TMC2: variants seen among roughly 807,000 people sequenced by gnomAD.
The protein encoded by TMC2 is transmembrane channel-like protein 2.
A neutral mutation model predicts 105.9 loss-of-function variants in TMC2; 102 were observed. The ratio of observed to expected loss-of-function variants is 0.96; its 90% CI spans 0.82 to 1.14. The LOEUF (loss-of-function observed/expected upper bound fraction) is 1.14, where lower values mean the gene tolerates loss of function less well. Ranked by LOEUF, TMC2 falls within the 50% of genes most tolerant of loss-of-function variation. The pLI is 0.00. For missense variants in TMC2, 1,093 were observed against 1,134.3 expected, an observed-to-expected ratio of 0.96 and a Z score of 0.52; for synonymous variants, 402 against 422.8, an observed-to-expected ratio of 0.95 and a Z score of 0.60.
chr20:2,593,028 C>G (rs1398600515), intron 8 of TMC2, among the ~76,000 whole-genome samples: 4 of 152,168 alleles, frequency 2.6e-5, no homozygotes. Flanking sequence ...ACACTACTAC[C>G]TGAGACTGTG....
At chr20:2,600,094 G>A (rs1182212205) in intron 10 of TMC2, among the ~76,000 whole-genome samples, 3 of 152,196 alleles carry the variant, frequency 2.0e-5, no homozygotes, top group Admixed American at 6.5e-5. Flanking sequence ...CCAGGGTAGG[G>A]GTGACTGGGG....
At chr20:2,536,716 A>T in intron 1 of TMC2, 61 bp downstream of exon 1, 1 of 1,532,594 alleles carries the variant, frequency 6.5e-7, no homozygotes, top group Non-Finnish European at 8.9e-7. Flanking sequence ...GCAGCAGGGG[A>T]TGGGGGAAGC....
chr20:2,543,067 T>C (rs1320962512), intron 2 of TMC2, among the ~76,000 whole-genome samples: 1 of 151,924 alleles, frequency 6.6e-6, no homozygotes, highest in Non-Finnish European at 1.5e-5. Context: ...TGAAACCCTG[T>C]CTCTACTAAA....
At chr20:2,611,439 G>A (rs2086437673) in intron 12 of TMC2, among the ~76,000 whole-genome samples, 1 of 152,156 alleles carries the variant, frequency 6.6e-6, no homozygotes, top group Non-Finnish European at 1.5e-5. Flanking sequence ...ACCCTCCTGA[G>A]CCTCACATTT....
chr20:2,637,369 C>G (rs1003588366), intron 18 of TMC2, 105 bp from the exon 19 acceptor site: 4 of 620,266 alleles, frequency 6.4e-6, no homozygotes, highest in Non-Finnish European at 1.1e-5. Context: ...GCCTGGGCAA[C>G]AGAGTGAGAC....
At chr20:2,596,964 G>T (rs1052818220) in intron 9 of TMC2, among the ~76,000 whole-genome samples, 187 bp from the exon 10 acceptor site, 3 of 152,086 alleles carry the variant, frequency 2.0e-5, no homozygotes, top group African/African-American at 7.2e-5. Context: ...TCTGAATTTG[G>T]GGGGAAGGGT....
At chr20:2,609,004 A>G (rs2086414762) in intron 11 of TMC2, among the ~76,000 whole-genome samples, 2 of 152,206 alleles carry the variant, frequency 1.3e-5, no homozygotes, top group African/African-American at 2.4e-5. Flanking sequence ...CTGAATACCT[A>G]CAATAGACCT....
At chr20:2,593,440 G>A (rs2086283033) in intron 8 of TMC2, among the ~76,000 whole-genome samples, 1 of 152,128 alleles carries the variant, frequency 6.6e-6, no homozygotes, top group Admixed American at 6.5e-5. Flanking sequence ...TGAATATCTG[G>A]ACTGAGTAAG....
chr20:2,583,842 G>A (rs1157538319), intron 7 of TMC2, among the ~76,000 whole-genome samples: 1 of 152,132 alleles, frequency 6.6e-6, no homozygotes. Flanking sequence ...TTGCAGCCTT[G>A]TGAAAGATCC....
At position 2,616,675 on chromosome 20, in the gene TMC2, C is replaced by T. The variant is rs898658959; in HGVS notation, c.1941-397C>T. On this transcript the variant is annotated intron_variant, in intron 15 of 19. Coordinates refer to ENST00000358864, the MANE Select transcript of TMC2 (RefSeq NM_080751.3). This position sits in a 1 kb window ranked among gnomAD's most constrained non-coding sequence, Gnocchi z 4.8. ...GGAGGTACATAACTTCAGCCAAAGA[C>T]TTTCAAGGTGCCAAGGGCTCGCTGC... is the stretch of plus-strand genomic sequence containing the variant. 6.6e-6 allele frequency among the ~76,000 whole-genome samples: 1 copy of T among 152,214 alleles called. No homozygotes were observed. The highest frequency in any genetic ancestry group is 2.4e-5 in the African/African-American group (1 of 41,442).
At chr20:2,636,494 G>GCA (rs1568532812) in intron 18 of TMC2, among the ~76,000 whole-genome samples, 45 of 71,764 alleles carry the variant, frequency 6.3e-4, no homozygotes, top group Non-Finnish European at 1.1e-3. Flanking sequence ...ACACACACAC[G>GCA]CACACACCCT....
chr20:2,639,206 T>C (rs2086671096), intron 19 of TMC2, among the ~76,000 whole-genome samples: 1 of 152,176 alleles, frequency 6.6e-6, no homozygotes, highest in Non-Finnish European at 1.5e-5. Flanking sequence ...AGAAAAAATA[T>C]TTGTAAATTG....
In TMC2 at chr20:2,567,809, C is replaced by T. The variant is rs140150326; in HGVS notation, c.555-4370C>T. 1.6e-3 allele frequency among the ~76,000 whole-genome samples: 242 copies of T among 152,166 alleles called. 1 individual carries two copies. Among genetic ancestry groups the T allele is most frequent in the African/African-American group, 5.3e-3 (220 of 41,532 alleles). ...AAATAGAAGCTATAAAGAGGAACAACTGGAAATTTTAGAAGTAAAAAAATA... is the reference window on the plus strand; with the variant it reads ...AAATAGAAGCTATAAAGAGGAACAATTGGAAATTTTAGAAGTAAAAAAATA... On this transcript the variant is annotated intron_variant, in intron 4 of 19. Coordinates refer to ENST00000358864, the MANE Select transcript of TMC2 (RefSeq NM_080751.3).
At chr20:2,625,079 G>A (rs2086554812) in intron 17 of TMC2, among the ~76,000 whole-genome samples, 1 of 152,326 alleles carries the variant, frequency 6.6e-6, no homozygotes, top group East Asian at 1.9e-4. Context: ...CAGGCAAACA[G>A]TAAATGCTCA....
intron 2 of TMC2, among the ~76,000 whole-genome samples, chr20:2,550,701 CTCTT>C (rs1452531686): frequency 6.6e-6 from 1 of 152,190 alleles, no homozygotes; most frequent in Non-Finnish European, 1.5e-5. Context: ...TCTAGAGTGT[CTCTT>C]TCTCCAGAAT....
chr20:2,558,109 A>G lies in TMC2; in HGVS notation c.83-347A>G, dbSNP rs141054506. ...AAAGGGTATGATGTCATGGTAATCA[A>G]CCAGGGGGAAGTAGCAAGGCCTGTT... On this transcript the variant is annotated intron_variant, in intron 2 of 19. Coordinates refer to ENST00000358864, the MANE Select transcript of TMC2 (RefSeq NM_080751.3). This position sits in a 1 kb window ranked among gnomAD's most constrained non-coding sequence, Gnocchi z 4.6. The G allele has an allele frequency of 4.4e-4, 129 of 290,534 alleles. 1 individual carries two copies. Among genetic ancestry groups the G allele is most frequent in the African/African-American group, 2.7e-3 (122 of 45,390 alleles). 18.0% of individuals were successfully genotyped at this position (290,534 alleles called of 1,614,324 possible). A position where few individuals can be genotyped will look rare whatever the true frequency, so the allele number is the denominator to read the frequency against.
rs766742661 is a variant in TMC2 at position 2,579,223 on chromosome 20, T to C, written c.723T>C (p.Ile241=). ...CCTGGGAAATGAAGATCAAGGACAT[T>C]GAAAGTGAGTATGCTGGTGTCACTG... The part of the protein sequence containing the change: ...CIPWEMKIKD[I]ESHFGSSVAS... Residue 241 remains isoleucine, a synonymous_variant, in exon 6 of 20, where the codon ATT becomes ATC. Coordinates refer to ENST00000358864, the MANE Select transcript of TMC2 (RefSeq NM_080751.3). The C allele has an allele frequency of 6.4e-7, 1 of 1,574,490 alleles. No homozygotes were observed. Among genetic ancestry groups the C allele is most frequent in the South Asian group, 1.1e-5 (1 of 90,284 alleles).
In TMC2 at chr20:2,558,895, G is replaced by T. The variant is rs2086004753; in HGVS notation, c.401+121G>T. On this transcript the variant is annotated intron_variant, in intron 3 of 19. Transcript: ENST00000358864. The surrounding 1 kb of genome is among the most constrained non-coding windows in gnomAD (Gnocchi z 4.6). ...CCGGGGAGAGGCAGCCCGTGCCCTC[G>T]CTCTGGCTTCCGTGCCTCCCAGCCC... 3.8e-6 allele frequency: 4 copies of T among 1,049,146 alleles called. No individual in the cohort carries two copies. The South Asian group carries it at 6.8e-5, about 18-fold the overall frequency. 65.0% of individuals were successfully genotyped at this position (1,049,146 alleles called of 1,614,324 possible).
chr20:2,553,276 T>G (rs78977316), intron 2 of TMC2, among the ~76,000 whole-genome samples: 1,868 of 152,322 alleles, frequency 0.012, 35 homozygotes, highest in African/African-American at 0.043. Context: ...TCCCCTAGTT[T>G]GCTGAGAACT....
Sources: gnomAD v4.1 joint callset for allele counts (sites outside exome capture counted in the v4.1 genomes callset) on GRCh38, gnomAD v4.1.1 for gene constraint, Gnocchi (gnomAD v3.1) non-coding constraint, MANE v1.5 for transcripts, NCBI Gene and HGNC (gene_info 2026-07-23, HGNC 2026-07-21) for gene names.